The following UBQLN1 variants were observed in gnomAD, a reference collection of about 807,000 sequenced individuals.
UBQLN1 encodes ubiquilin 1.
In UBQLN1, 13 loss-of-function variants were observed where a neutral mutation model predicts 65.4. The observed-to-expected ratio is 0.20, with a 90% confidence interval of 0.13 to 0.32. UBQLN1 has a LOEUF of 0.32. Ranked by LOEUF, UBQLN1 falls within the 10% of genes least tolerant of loss-of-function variation. The pLI is 1.00. For synonymous variants in UBQLN1, 267 were observed against 247.8 expected, an observed-to-expected ratio of 1.08 and a Z score of -0.73; for missense variants, 561 against 724.0, an observed-to-expected ratio of 0.77 and a Z score of 2.58.
intron 1 of UBQLN1, among the ~76,000 whole-genome samples, chr9:83,695,403 T>C (rs1224512194): frequency 1.3e-5 from 2 of 152,184 alleles, no homozygotes; most frequent in Non-Finnish European, 2.9e-5. Context: ...TTTCACTATA[T>C]TGGCCAGGCT....
intron 6 of UBQLN1, among the ~76,000 whole-genome samples, chr9:83,669,918 T>A (rs1831703902): frequency 6.6e-6 from 1 of 152,236 alleles, no homozygotes; most frequent in African/African-American, 2.4e-5. Context: ...CTAACCCATG[T>A]GATCTTGGGC....
chr9:83,662,604 A>C (rs760828298), intron 10 of UBQLN1, among the ~76,000 whole-genome samples: 4 of 152,160 alleles, frequency 2.6e-5, no homozygotes, highest in Non-Finnish European at 4.4e-5. Flanking sequence ...GATAATTTGG[A>C]GGCTTGTAAG....
At chr9:83,697,252 T>G (rs939812583) in intron 1 of UBQLN1, among the ~76,000 whole-genome samples, 2 of 151,502 alleles carry the variant, frequency 1.3e-5, no homozygotes, top group African/African-American at 2.4e-5. Context: ...CTGGTTTTTT[T>G]TTTTTTTTTT....
At position 83,679,865 on chromosome 9, in the gene UBQLN1, C is replaced by G; in HGVS notation, c.621G>C (p.Gln207His). Residue 207 changes from glutamine (Q) to histidine (H), a missense_variant, in exon 4 of 11, where the codon CAG becomes CAC. Transcript: ENST00000376395. ...GCATTTGTGGATTGGCCATAATTAA[C>G]TGTCTCATCAGGTCAGGATTTGAGA... ...SMLSNPDLMR[Q>H]LIMANPQMQQ... 3 of 1,614,158 alleles carry G rather than the reference C, an allele frequency of 1.9e-6. No individual in the cohort carries two copies. The highest frequency in any genetic ancestry group is 4.5e-5 in the East Asian group (2 of 44,876).
At chr9:83,701,253 A>G (rs1832305220) in intron 1 of UBQLN1, among the ~76,000 whole-genome samples, 1 of 152,146 alleles carries the variant, frequency 6.6e-6, no homozygotes, top group Admixed American at 6.5e-5. Flanking sequence ...TCCTTATGAA[A>G]AATAACTATT....
chr9:83,672,558 T>C (rs528209532), intron 6 of UBQLN1, among the ~76,000 whole-genome samples: 8 of 152,166 alleles, frequency 5.3e-5, no homozygotes, highest in Non-Finnish European at 5.9e-5. Flanking sequence ...AGTTGAACAG[T>C]CAGAACACAT....
At chr9:83,704,411 G>A (rs1832362246) in intron 1 of UBQLN1, among the ~76,000 whole-genome samples, 1 of 152,082 alleles carries the variant, frequency 6.6e-6, no homozygotes, top group Non-Finnish European at 1.5e-5. Context: ...TCTCTGGTGT[G>A]GTGATAAGCG....
intron 3 of UBQLN1, among the ~76,000 whole-genome samples, chr9:83,682,189 G>A (rs985223055): frequency 1.1e-4 from 16 of 152,030 alleles, no homozygotes; most frequent in African/African-American, 3.6e-4. Flanking sequence ...GGAGGCTGAG[G>A]CAGAAGAATC....
intron 8 of UBQLN1, 83 bp from the exon 9 acceptor site, chr9:83,665,228 C>T: frequency 9.5e-7 from 1 of 1,055,444 alleles, no homozygotes; most frequent in South Asian, 1.6e-5. Flanking sequence ...TGTTATGCTT[C>T]TGGAGAAAAT....
At chr9:83,695,161 A>G (rs1832189128) in intron 1 of UBQLN1, among the ~76,000 whole-genome samples, 1 of 151,752 alleles carries the variant, frequency 6.6e-6, no homozygotes, top group Non-Finnish European at 1.5e-5. Context: ...AAAAAAAAAA[A>G]AAGTTAACTT....
chr9:83,667,492 C>G, intron 7 of UBQLN1: 2 of 985,316 alleles, frequency 2.0e-6, no homozygotes, highest in Non-Finnish European at 1.2e-6. Flanking sequence ...ATAACAAAAG[C>G]AGATGTCAGA....
chr9:83,664,923 C>CA (rs539581441), intron 9 of UBQLN1, 107 bp downstream of exon 9: 31,077 of 227,496 alleles, frequency 0.14, 1,013 homozygotes, highest in East Asian at 0.29. Context: ...TGTATCCCAC[C>CA]AAAAAAAAAA....
chr9:83,697,733 CTT>C (rs35319221), intron 1 of UBQLN1, among the ~76,000 whole-genome samples: 21,372 of 98,126 alleles, frequency 0.22, 2,057 homozygotes, highest in East Asian at 0.67. Flanking sequence ...TTTTTGTACC[CTT>C]TTTTTTTTTT....
chr9:83,685,234 G>C (rs1010037206), intron 2 of UBQLN1, among the ~76,000 whole-genome samples: 2 of 152,098 alleles, frequency 1.3e-5, no homozygotes, highest in Non-Finnish European at 2.9e-5. Flanking sequence ...TAATGGCTTG[G>C]AACAAAATCC....
chr9:83,669,132 A>G, intron 7 of UBQLN1, 53 bp downstream of exon 7: 1 of 1,562,368 alleles, frequency 6.4e-7, no homozygotes, highest in Non-Finnish European at 8.6e-7. Context: ...TTACAAGATT[A>G]GGTTATTTTA....
rs1370366490 is a variant in UBQLN1, at chr9:83,707,686, G to A, written c.-7C>T. 4.0e-6 allele frequency: 6 copies of A among 1,502,848 alleles called. No individual in the cohort carries two copies. The highest frequency in any genetic ancestry group is 1.4e-5 in the African/African-American group (1 of 69,186). 93.1% of individuals were successfully genotyped at this position (1,502,848 alleles called of 1,614,324 possible). On this transcript the variant is annotated 5_prime_UTR_variant, in exon 1 of 11. Transcript: ENST00000376395. ...TTTCACCACTCTCGGCCATGGCTGT[G>A]GCGGCGGCGGCGGCGGTGACTCAGG...
intron 2 of UBQLN1, 138 bp from the exon 3 acceptor site, chr9:83,683,204 A>G (rs2131165520): frequency 2.0e-6 from 1 of 509,008 alleles, no homozygotes; most frequent in East Asian, 3.3e-5. Flanking sequence ...CGAGGTCAAG[A>G]GATAGAGAAC....
chr9:83,706,864 G>C (rs1031499114), intron 1 of UBQLN1, among the ~76,000 whole-genome samples: 3 of 152,102 alleles, frequency 2.0e-5, no homozygotes, highest in Admixed American at 2.0e-4. Flanking sequence ...AGTCATCAGT[G>C]AAAGAAAGTC....
At chr9:83,707,211 G>A (rs1027715151) in intron 1 of UBQLN1, among the ~76,000 whole-genome samples, 5 of 152,146 alleles carry the variant, frequency 3.3e-5, no homozygotes, top group Admixed American at 6.5e-5. Flanking sequence ...GGCGACGGAG[G>A]GCGGGGAACT....
Sources: gnomAD v4.1 joint callset for allele counts (sites outside exome capture counted in the v4.1 genomes callset) on GRCh38, gnomAD v4.1.1 for gene constraint, MANE v1.5 for transcripts, NCBI Gene and HGNC (gene_info 2026-07-23, HGNC 2026-07-21) for gene names.